The following DENND4C variants were observed in gnomAD, a reference collection of about 807,000 sequenced individuals.
DENND4C encodes the protein DENN domain containing 4C.
DENND4C carries 108 observed loss-of-function variants against 203.0 expected under a neutral mutation model. The observed-to-expected ratio is 0.53, with a 90% confidence interval of 0.46 to 0.62. The LOEUF is 0.62. DENND4C is among the 20% of genes least tolerant of loss of function. DENND4C has a pLI of 0.00. For synonymous variants in DENND4C, 871 were observed against 792.4 expected, an observed-to-expected ratio of 1.10 and a Z score of -1.67; for missense variants, 2,481 against 2,301.2, an observed-to-expected ratio of 1.08 and a Z score of -1.60.
At position 19,316,639 on chromosome 9, in the gene DENND4C, A is replaced by C. The variant is rs760996430; in HGVS notation, c.1607A>C (p.Glu536Ala). Residue 536 changes from glutamate to alanine, a missense_variant, in exon 12 of 33, where the codon GAA (glutamate) becomes GCA (alanine). Physicochemically the swap from Glu to Ala is moderately radical, Grantham distance 107 (BLOSUM62 -1). This residue lies in a region of DENND4C where 2,289 missense variants were observed against 2,113.3 expected (regional missense o/e 1.08). Coordinates refer to ENST00000434457, the MANE Select transcript of DENND4C (RefSeq NM_001330640.2). ...TTGTTAGTTCACCAAAAAACTCAAG[A>C]AGGCTCAGCGATTGACATGACTCCA... ...QLSSVHQKTQ[E>A]GSAIDMTPIE... 17 of 1,613,728 alleles carry C rather than the reference A, an allele frequency of 1.1e-5. No individual in the cohort carries two copies. Among genetic ancestry groups the C allele is most frequent in the Middle Eastern group, 3.3e-4 (2 of 6,078 alleles).
At chr9:19,235,413 T>C (rs1157542295) in intron 1 of DENND4C, among the ~76,000 whole-genome samples, 1 of 152,226 alleles carries the variant, frequency 6.6e-6, no homozygotes, top group African/African-American at 2.4e-5. Flanking sequence ...AATCAAAATA[T>C]AAATTCATAA....
At chr9:19,256,975 CAGG>C (rs1828128411) in intron 1 of DENND4C, among the ~76,000 whole-genome samples, 1 of 150,818 alleles carries the variant, frequency 6.6e-6, no homozygotes, top group Admixed American at 6.6e-5. Flanking sequence ...GAGGCTGAGG[CAGG>C]AGAATGGTGT....
intron 26 of DENND4C, among the ~76,000 whole-genome samples, 197 bp from the exon 27 acceptor site, chr9:19,356,775 G>A (rs1029538807): frequency 7.0e-6 from 1 of 143,592 alleles, no homozygotes; most frequent in Non-Finnish European, 1.5e-5. Flanking sequence ...GAGCAGGAAT[G>A]TGTGTGTGTG....
At position 19,288,852 on chromosome 9, in the gene DENND4C, C is replaced by G. The variant is rs1312994401; in HGVS notation, c.628+187C>G. ...TACATATACAAGATATATTAATACC[C>G]CCACCAAACATGCTGTTAATTTAAT... On this transcript the variant is annotated intron_variant, in intron 4 of 32. Coordinates refer to ENST00000434457, the MANE Select transcript of DENND4C (RefSeq NM_001330640.2). Among the ~76,000 whole-genome samples the G allele has an allele frequency of 5.3e-5, 8 of 151,992 alleles. No homozygotes were observed. The East Asian group carries it at 1.3e-3, about 26-fold the overall frequency.
rs1563822649 is a variant in DENND4C, at chr9:19,342,682, A to G, written c.3054A>G (p.Pro1018=). The G allele has an allele frequency of 6.2e-7, 1 of 1,613,260 alleles. No individual in the cohort carries two copies. Among genetic ancestry groups the G allele is most frequent in the Non-Finnish European group, 8.5e-7 (1 of 1,179,628 alleles). The change falls in exon 22 of 33, where the codon CCA becomes CCG. Residue 1018 remains proline (P), a synonymous_variant. Coordinates refer to ENST00000434457, the MANE Select transcript of DENND4C (RefSeq NM_001330640.2). ...AIVAKHSQPS[P]EPHSPTEPPA... is the part of the protein sequence containing the mutation. ...TGGCAAAACATTCACAACCTAGTCCAGAGCCTCACAGTCCTACTGAACCTC... is the reference window on the plus strand; with the variant it reads ...TGGCAAAACATTCACAACCTAGTCCGGAGCCTCACAGTCCTACTGAACCTC...
chr9:19,312,555 TTATG>T (rs1840953699), intron 10 of DENND4C, among the ~76,000 whole-genome samples: 1 of 152,206 alleles, frequency 6.6e-6, no homozygotes, highest in African/African-American at 2.4e-5. Flanking sequence ...AAACTAGTGA[TTATG>T]TATTATGGGG....
In DENND4C at chr9:19,345,964, A is replaced by T. The variant is rs1441741915; in HGVS notation, c.3195A>T (p.Glu1065Asp). ...NVLFSTQDPVEDAVFGEATNL... is the reference protein window; with the variant it reads ...NVLFSTQDPVDDAVFGEATNL... Reference sequence around the variant, plus strand: ...TGTTTTCTACTCAAGATCCAGTTGAAGATGCAGTCTTTGGCGAAGCTACTA... The same window carrying T: ...TGTTTTCTACTCAAGATCCAGTTGATGATGCAGTCTTTGGCGAAGCTACTA... The change falls in exon 23 of 33, where the codon GAA becomes GAT. Residue 1065 changes from glutamate (E) to aspartate (D), a missense_variant. Around this residue, in one of 3 missense-constraint regions of DENND4C, gnomAD observed 2,289 missense variants for 2,113.3 expected, o/e 1.08. Coordinates refer to ENST00000434457, the MANE Select transcript of DENND4C (RefSeq NM_001330640.2). 1.2e-6 allele frequency: 2 copies of T among 1,613,870 alleles called. No homozygotes were observed. Among genetic ancestry groups the T allele is most frequent in the East Asian group, 2.2e-5 (1 of 44,894 alleles).
intron 5 of DENND4C, chr9:19,292,187 C>G (rs1836475897): frequency 6.7e-6 from 1 of 149,196 alleles, no homozygotes; most frequent in African/African-American, 2.6e-5. Flanking sequence ...CCACGCCCAG[C>G]TAATTTTGTA....
chr9:19,276,367 G>C lies in DENND4C; in HGVS notation c.193G>C (p.Glu65Gln). ...AGTACCTGAAGGTTACACCTGTGTA[G>C]AAGCCACTCCATCAGCTCTCCAAGC... ...ETVPEGYTCV[E>Q]ATPSALQANL... Residue 65 changes from glutamate to glutamine, a missense_variant, in exon 2 of 33, where the codon GAA (glutamate) becomes CAA (glutamine). Coordinates refer to ENST00000434457, the MANE Select transcript of DENND4C (RefSeq NM_001330640.2). 1 of 1,232,104 alleles carries C rather than the reference G, an allele frequency of 8.1e-7. No individual in the cohort carries two copies. The highest frequency in any genetic ancestry group is 1.0e-6 in the Non-Finnish European group (1 of 987,936). 76.3% of individuals were successfully genotyped at this position (1,232,104 alleles called of 1,614,324 possible).
intron 4 of DENND4C, 109 bp from the exon 5 acceptor site, chr9:19,290,595 A>T (rs987701278): frequency 2.8e-6 from 2 of 709,862 alleles, no homozygotes; most frequent in Non-Finnish European, 4.1e-6. Context: ...AATACCACAC[A>T]AGTATTGCCA....
intron 9 of DENND4C, among the ~76,000 whole-genome samples, chr9:19,304,571 CTG>C (rs1274578245): frequency 6.6e-6 from 1 of 151,180 alleles, no homozygotes; most frequent in African/African-American, 2.4e-5. Flanking sequence ...GAGTCTCACT[CTG>C]TCACCCAGGC....
intron 6 of DENND4C, 118 bp downstream of exon 6, chr9:19,296,364 C>CTTTTT: frequency 1.0e-5 from 5 of 480,554 alleles, no homozygotes; most frequent in South Asian, 2.6e-5. Context: ...TTTAACTGAA[C>CTTTTT]TTTTTTTTTT....
At chr9:19,295,648 C>T (rs1444817571) in intron 5 of DENND4C, among the ~76,000 whole-genome samples, 2 of 138,718 alleles carry the variant, frequency 1.4e-5, no homozygotes, top group Non-Finnish European at 3.0e-5. Flanking sequence ...CCAGCCTGGG[C>T]GACTGAGTGA....
At chr9:19,302,103 G>A (rs1838711847) in intron 9 of DENND4C, among the ~76,000 whole-genome samples, 1 of 152,212 alleles carries the variant, frequency 6.6e-6, no homozygotes, top group African/African-American at 2.4e-5. Context: ...AAATGCCAGA[G>A]TATATGAGGT....
At chr9:19,315,267 C>G (rs925832817) in intron 10 of DENND4C, among the ~76,000 whole-genome samples, 1 of 151,588 alleles carries the variant, frequency 6.6e-6, no homozygotes, top group East Asian at 1.9e-4. Context: ...AACTATGTGT[C>G]CTGTTCTGTG....
At chr9:19,304,619 C>T (rs1588881373) in intron 9 of DENND4C, among the ~76,000 whole-genome samples, 2 of 151,738 alleles carry the variant, frequency 1.3e-5, no homozygotes, top group Non-Finnish European at 2.9e-5. Context: ...TCACTGCAAG[C>T]TCCACCTCCC....
At chr9:19,331,954 C>G (rs375182913) in intron 16 of DENND4C, 24 bp from the exon 17 acceptor site, 4 of 1,580,124 alleles carry the variant, frequency 2.5e-6, no homozygotes, top group African/African-American at 2.7e-5. Context: ...TAGTAAATAT[C>G]ATAATATTTT....
intron 12 of DENND4C, 129 bp downstream of exon 12, chr9:19,316,968 T>C: frequency 1.2e-6 from 1 of 850,000 alleles, no homozygotes; most frequent in Non-Finnish European, 1.7e-6. Context: ...AACCTCCATG[T>C]ATTTGTAACC....
chr9:19,319,333 TATAC>T (rs10597049), intron 12 of DENND4C, among the ~76,000 whole-genome samples: 69,708 of 109,800 alleles, frequency 0.63, 18,574 homozygotes, highest in East Asian at 0.69. Context: ...TATACATATA[TATAC>T]ACATATATAT....
Sources: gnomAD v4.1 joint callset for allele counts (sites outside exome capture counted in the v4.1 genomes callset) on GRCh38, gnomAD v4.1.1 for gene constraint, gnomAD v4.1.1 regional missense constraint, MANE v1.5 for transcripts, NCBI Gene and HGNC (gene_info 2026-07-23, HGNC 2026-07-21) for gene names.